The following PCNX1 variants were observed in gnomAD, a reference collection of about 807,000 sequenced individuals.
PCNX1 encodes the protein pecanex 1, also known as pecanex-like protein 1.
A neutral mutation model predicts 242.2 loss-of-function variants in PCNX1; 78 were observed. The observed-to-expected ratio is 0.32, with a 90% CI of 0.27 to 0.39. PCNX1 has a LOEUF of 0.39. PCNX1 is among the 10% of genes least tolerant of loss of function. The pLI, the probability that PCNX1 is intolerant of heterozygous loss-of-function variation, is 1.00. For synonymous variants in PCNX1, 1,024 were observed against 1,032.9 expected, an observed-to-expected ratio of 0.99 and a Z score of 0.17; for missense variants, 2,581 against 2,856.5, an observed-to-expected ratio of 0.90 and a Z score of 2.20.
chr14:71,070,686 T>TGTCATC (rs1312538014), intron 26 of PCNX1, among the ~76,000 whole-genome samples: 2 of 152,224 alleles, frequency 1.3e-5, no homozygotes, highest in Non-Finnish European at 2.9e-5. Flanking sequence ...ACAGATGTGC[T>TGTCATC]GTCATCCAGT....
intron 22 of PCNX1, among the ~76,000 whole-genome samples, chr14:71,048,594 A>G (rs1227655531): frequency 6.6e-6 from 1 of 152,218 alleles, no homozygotes. Flanking sequence ...TCAGTGAAAT[A>G]GTAATTCAAT....
At chr14:70,983,074 G>T (rs1025222410) in intron 6 of PCNX1, among the ~76,000 whole-genome samples, 2 of 152,060 alleles carry the variant, frequency 1.3e-5, no homozygotes, top group Non-Finnish European at 2.9e-5. Flanking sequence ...ATGTCACTTC[G>T]AATACATGTG....
At chr14:70,908,632 C>T (rs1471149948) in intron 1 of PCNX1, among the ~76,000 whole-genome samples, 1 of 152,228 alleles carries the variant, frequency 6.6e-6, no homozygotes, top group African/African-American at 2.4e-5. Context: ...TCTAAAAAAC[C>T]GTTGTTGTGC....
rs760301020 is a variant in PCNX1, at chr14:70,977,236, A to G, written c.899A>G (p.Asp300Gly). 7 of 1,614,174 alleles carry G rather than the reference A, an allele frequency of 4.3e-6. No homozygotes were observed. Among genetic ancestry groups the G allele is most frequent in the Non-Finnish European group, 4.2e-6 (5 of 1,180,014 alleles). ...AVAFPDTSLN[D>G]FPLYQQRRGL... is the part of the protein sequence containing the mutation. ...GCTTTTCCAGACACTTCACTGAATG[A>G]TTTTCCCCTTTATCAGCAAAGACGT... The change falls in exon 6 of 36, where the codon GAT (aspartate) becomes GGT (glycine). Residue 300 changes from aspartate (D) to glycine (G), a missense_variant. By Grantham distance (94) the Asp-to-Gly change is moderately conservative (BLOSUM62 -1). Around this residue, in one of 9 missense-constraint regions of PCNX1, gnomAD observed 1,204 missense variants for 1,216.7 expected, o/e 0.99. Transcript: ENST00000304743.
rs1293905720 is a variant in PCNX1 at position 71,045,060 on chromosome 14, A to C, written c.3868-73A>C. 3.7e-6 allele frequency: 4 copies of C among 1,084,636 alleles called. No individual in the cohort carries two copies. In the East Asian group the frequency reaches 1.0e-4, roughly 28 times the overall value. The allele number at this position is 1,084,636 out of a possible 1,614,324, so 67.2% of individuals were successfully genotyped here. A position where few individuals can be genotyped will look rare whatever the true frequency, so the allele number is the denominator to read the frequency against. On this transcript the variant is annotated intron_variant, in intron 19 of 35. Transcript: ENST00000304743. Reference sequence around the variant, plus strand: ...TGTCCATTATCAGATGGAAAATTGAACTGACAAATTAGAATTTCTACAATG... The same window carrying C: ...TGTCCATTATCAGATGGAAAATTGACCTGACAAATTAGAATTTCTACAATG...
At chr14:71,052,104 A>G (rs2061053652) in intron 24 of PCNX1, 92 bp downstream of exon 24, 1 of 928,024 alleles carries the variant, frequency 1.1e-6, no homozygotes, top group Non-Finnish European at 1.6e-6. Context: ...ATGGTTCATA[A>G]TTTATTGTGT....
In PCNX1 at chr14:71,066,327, G is replaced by A. The variant is rs372648986; in HGVS notation, c.4853-7218G>A. Among the ~76,000 whole-genome samples, 38 of 152,100 alleles carry A rather than the reference G, an allele frequency of 2.5e-4. 1 individual carries two copies. The East Asian group carries it at 4.6e-3, about 19-fold the overall frequency. On this transcript the variant is annotated intron_variant, in intron 26 of 35. Transcript: ENST00000304743. ...GTAGTTCTCCTTGAAGAGGACCTTC[G>A]CATCCCTTGTAAGTTGTATTCCTAG...
At chr14:71,055,765 G>A (rs574711987) in intron 25 of PCNX1, among the ~76,000 whole-genome samples, 85 of 152,210 alleles carry the variant, frequency 5.6e-4, no homozygotes, top group Admixed American at 1.6e-3. Flanking sequence ...TTTATAAAAT[G>A]CATCTTAAGA....
At chr14:70,930,113 T>TTGTG (rs1196332285) in intron 1 of PCNX1, among the ~76,000 whole-genome samples, 1 of 151,812 alleles carries the variant, frequency 6.6e-6, no homozygotes, top group African/African-American at 2.4e-5. Context: ...TGTGCATATG[T>TTGTG]TGTGTGTGTG....
Position 71,028,807 on chromosome 14 carries a change from T to C in PCNX1, c.3558+16T>C. The C allele has an allele frequency of 1.4e-6, 2 of 1,459,538 alleles. No homozygotes were observed. Among genetic ancestry groups the C allele is most frequent in the East Asian group, 2.3e-5 (1 of 43,074 alleles). The allele number at this position is 1,459,538 out of a possible 1,614,324, so 90.4% of individuals were successfully genotyped here. A position where few individuals can be genotyped will look rare whatever the true frequency, so the allele number is the denominator to read the frequency against. ...GGCTTTAAAGGTGAGCAATAAATTA[T>C]AGTATGTTTTGTCTTTAAGGCTATA... On this transcript the variant is annotated intron_variant, in intron 16 of 35. Transcript: ENST00000304743.
intron 5 of PCNX1, among the ~76,000 whole-genome samples, chr14:70,974,541 T>G (rs761500098): frequency 6.6e-6 from 1 of 152,214 alleles, no homozygotes; most frequent in Non-Finnish European, 1.5e-5. Context: ...AATCGTTATT[T>G]ATAGGACATT....
In PCNX1 at chr14:71,013,129, C is replaced by T. The variant is rs753396779; in HGVS notation, c.2923C>T (p.Arg975Cys). The T allele has an allele frequency of 1.3e-5, 21 of 1,614,056 alleles. No individual in the cohort carries two copies. The highest frequency in any genetic ancestry group is 3.3e-5 in the Admixed American group (2 of 59,998). Reference sequence around the variant, plus strand: ...TGCCCAAAAGGTTAAACACTATTATCGCTTTTGGATCCTACCCCAGCTGTG... The same window carrying T: ...TGCCCAAAAGGTTAAACACTATTATTGCTTTTGGATCCTACCCCAGCTGTG... ...EAAQKVKHYY[R>C]FWILPQLWIG... The change falls in exon 11 of 36, where the codon CGC becomes TGC. Residue 975 changes from arginine (R) to cysteine (C), a missense_variant. By Grantham distance (180) the Arg-to-Cys change is radical. Transcript: ENST00000304743.
intron 26 of PCNX1, among the ~76,000 whole-genome samples, chr14:71,065,968 T>A (rs533046670): frequency 2.7e-5 from 1 of 36,750 alleles, no homozygotes; most frequent in Non-Finnish European, 4.9e-5. Flanking sequence ...GTTCCATTGA[T>A]CTATATATCT....
chr14:70,927,108 T>C (rs2056622337), intron 1 of PCNX1, among the ~76,000 whole-genome samples: 2 of 152,224 alleles, frequency 1.3e-5, no homozygotes, highest in South Asian at 2.1e-4. Context: ...ATCCAGTGTA[T>C]GTAGTGCTTG....
At chr14:70,951,972 C>T (rs113941959) in intron 2 of PCNX1, among the ~76,000 whole-genome samples, 6 of 152,058 alleles carry the variant, frequency 3.9e-5, no homozygotes, top group African/African-American at 1.4e-4. Flanking sequence ...CATATTCGTA[C>T]ATTGTGGATA....
chr14:70,956,075 G>A (rs2057982991), intron 2 of PCNX1, among the ~76,000 whole-genome samples: 3 of 152,046 alleles, frequency 2.0e-5, no homozygotes, highest in Admixed American at 2.0e-4. Flanking sequence ...GACATCTAGT[G>A]GGTAAAGGCC....
intron 1 of PCNX1, among the ~76,000 whole-genome samples, chr14:70,915,134 G>T (rs2056098267): frequency 6.6e-6 from 1 of 151,968 alleles, no homozygotes; most frequent in African/African-American, 2.4e-5. Flanking sequence ...ATATTCCTTT[G>T]TATGACTGTG....
rs542240114 is a variant in PCNX1 at position 70,958,026 on chromosome 14, A to G, written c.363-4200A>G. Among the ~76,000 whole-genome samples the G allele has an allele frequency of 3.4e-4, 51 of 152,214 alleles. No individual in the cohort carries two copies. In the South Asian group the frequency reaches 5.4e-3, roughly 16 times the overall value. Reference sequence around the variant, plus strand: ...TATTCATTACTAATTTAATGTGGTGATAGTGCCTCTATATACATACTTAAA... The same window carrying G: ...TATTCATTACTAATTTAATGTGGTGGTAGTGCCTCTATATACATACTTAAA... On this transcript the variant is annotated intron_variant, in intron 2 of 35. Transcript: ENST00000304743.
At chr14:70,995,273 A>G (rs543901823) in intron 7 of PCNX1, among the ~76,000 whole-genome samples, 17 of 152,320 alleles carry the variant, frequency 1.1e-4, no homozygotes, top group African/African-American at 3.6e-4. Flanking sequence ...TCAAGTGCAT[A>G]TAAACTTGTT....
Sources: allele counts gnomAD v4.1 joint callset (sites outside exome capture counted in the v4.1 genomes callset), GRCh38; gene constraint gnomAD v4.1.1; regional missense constraint gnomAD v4.1.1; transcripts MANE v1.5; gene names NCBI Gene and HGNC (gene_info 2026-07-23, HGNC 2026-07-21).